Variants in CSTPP1 observed in about 807,000 individuals in gnomAD.
CSTPP1 encodes UPF0705 protein C11orf49.
the CSTPP1 span, among the ~76,000 whole-genome samples, chr11:47,046,895 ATTTCT>A: frequency 1.8e-5 from 2 of 109,350 alleles, no homozygotes; most frequent in African/African-American, 3.4e-5. Context: ...ATTGAACACA[ATTTCT>A]TTTCTTTTTT....
the CSTPP1 span, among the ~76,000 whole-genome samples, chr11:47,043,183 G>A: frequency 6.6e-6 from 1 of 152,042 alleles, no homozygotes; most frequent in Non-Finnish European, 1.5e-5. Flanking sequence ...AGCCCCTTTT[G>A]CCTCCACCAC....
At chr11:46,944,896 C>A in the CSTPP1 span, among the ~76,000 whole-genome samples, 4 of 152,174 alleles carry the variant, frequency 2.6e-5, no homozygotes, top group Non-Finnish European at 5.9e-5. Context: ...TGAGCTAAGA[C>A]AACATCTAAC....
chr11:47,135,052 T>A, the CSTPP1 span, among the ~76,000 whole-genome samples: 5 of 152,050 alleles, frequency 3.3e-5, no homozygotes. Flanking sequence ...GAGACTGCAG[T>A]GAGCTATGCC....
the CSTPP1 span, among the ~76,000 whole-genome samples, chr11:47,046,553 C>G: frequency 6.6e-6 from 1 of 151,890 alleles, no homozygotes; most frequent in Non-Finnish European, 1.5e-5. Flanking sequence ...TAGAAAGACA[C>G]CCTGAGTACA....
the CSTPP1 span, among the ~76,000 whole-genome samples, chr11:47,101,833 T>C: frequency 2.6e-5 from 4 of 152,104 alleles, no homozygotes; most frequent in Non-Finnish European, 5.9e-5. Context: ...TGATCCTAGA[T>C]TAAAGTAGGA....
chr11:47,162,726 C>A, the CSTPP1 span, among the ~76,000 whole-genome samples: 1 of 152,114 alleles, frequency 6.6e-6, no homozygotes, highest in Non-Finnish European at 1.5e-5. Flanking sequence ...GCAAAACCCA[C>A]CCAGAAGCCC....
chr11:46,980,811 C>G, the CSTPP1 span, among the ~76,000 whole-genome samples: 7 of 151,990 alleles, frequency 4.6e-5, no homozygotes, highest in South Asian at 1.2e-3. Context: ...ATAAGAAATA[C>G]AAATAAACAT....
chr11:46,996,535 C>T, the CSTPP1 span, among the ~76,000 whole-genome samples: 1 of 152,058 alleles, frequency 6.6e-6, no homozygotes, highest in Non-Finnish European at 1.5e-5. Flanking sequence ...ATCTCCTGAC[C>T]TCGTGATCCG....
At chr11:47,106,201 G>T in the CSTPP1 span, among the ~76,000 whole-genome samples, 2 of 152,096 alleles carry the variant, frequency 1.3e-5, no homozygotes, top group Non-Finnish European at 2.9e-5. Context: ...CAATTACATT[G>T]TTTCAACAAC....
chr11:47,089,689 C>T, the CSTPP1 span, among the ~76,000 whole-genome samples: 3 of 152,136 alleles, frequency 2.0e-5, no homozygotes, highest in Non-Finnish European at 4.4e-5. Flanking sequence ...TTATATGCAT[C>T]ATTGTAGGTG....
At chr11:46,961,879 A>G in the CSTPP1 span, among the ~76,000 whole-genome samples, 2 of 152,228 alleles carry the variant, frequency 1.3e-5, no homozygotes, top group African/African-American at 4.8e-5. Flanking sequence ...TAATAAAGAC[A>G]TACCCAAGAC....
chr11:47,138,453 A>G, the CSTPP1 span, among the ~76,000 whole-genome samples: 1 of 152,080 alleles, frequency 6.6e-6, no homozygotes, highest in Non-Finnish European at 1.5e-5. Flanking sequence ...TGATGAAGAG[A>G]GTTGAGGTTG....
the CSTPP1 span, among the ~76,000 whole-genome samples, chr11:47,120,429 C>T: frequency 3.9e-5 from 6 of 152,172 alleles, no homozygotes; most frequent in Non-Finnish European, 7.3e-5. This position sits in a 1 kb window ranked among gnomAD's most constrained non-coding sequence, Gnocchi z 4.2. Flanking sequence ...GTTTCTCTAT[C>T]TGTAAAATGG....
At chr11:47,015,458 G>T in the CSTPP1 span, among the ~76,000 whole-genome samples, 1 of 151,810 alleles carries the variant, frequency 6.6e-6, no homozygotes, top group Admixed American at 6.6e-5. Flanking sequence ...TGGCAACAGA[G>T]CAAGACTCCG....
At chr11:46,990,177 T>C in the CSTPP1 span, among the ~76,000 whole-genome samples, 1 of 152,200 alleles carries the variant, frequency 6.6e-6, no homozygotes, top group Non-Finnish European at 1.5e-5. Context: ...CTGAGTCAAA[T>C]TGTAGCTCTG....
the CSTPP1 span, chr11:46,948,113 A>G: frequency 4.4e-6 from 2 of 456,188 alleles, no homozygotes; most frequent in African/African-American, 2.0e-5. Context: ...AGAGGCTGCC[A>G]GAACCGGTCG....
chr11:46,964,654 A>G, the CSTPP1 span, among the ~76,000 whole-genome samples: 6 of 152,066 alleles, frequency 3.9e-5, no homozygotes, highest in African/African-American at 1.4e-4. Flanking sequence ...TAATTCTCAA[A>G]CTTTTTGGTT....
At chr11:47,070,862 C>T in the CSTPP1 span, among the ~76,000 whole-genome samples, 2 of 152,230 alleles carry the variant, frequency 1.3e-5, no homozygotes, top group East Asian at 3.9e-4. Context: ...TACTCATGAC[C>T]CAACACCAGC....
the CSTPP1 span, among the ~76,000 whole-genome samples, chr11:46,982,685 G>C: frequency 2.0e-3 from 304 of 152,166 alleles, 1 homozygote; most frequent in African/African-American, 5.1e-3. Context: ...AAGTTTAAAG[G>C]TCATACCTGA....
Sources: allele counts gnomAD v4.1 joint callset (sites outside exome capture counted in the v4.1 genomes callset), GRCh38; gene constraint gnomAD v4.1.1; non-coding constraint Gnocchi (gnomAD v3.1); transcripts MANE v1.5; gene names NCBI Gene and HGNC (gene_info 2026-07-23, HGNC 2026-07-21).